The following DNAH14 variants were observed in gnomAD, a reference collection of about 807,000 sequenced individuals.
DNAH14 encodes axonemal beta dynein heavy chain 14.
A neutral mutation model predicts 520.9 loss-of-function variants in DNAH14; 478 were observed. That is an observed-to-expected ratio of 0.92 (90% CI 0.85 to 0.99). The LOEUF (loss-of-function observed/expected upper bound fraction) is 0.99, where lower values mean the gene tolerates loss of function less well. Ranked by LOEUF, DNAH14 falls within the 50% of genes least tolerant of loss-of-function variation. The pLI, the probability that DNAH14 is intolerant of heterozygous loss-of-function variation, is 0.00. For missense variants in DNAH14, 4,831 were observed against 5,234.5 expected (o/e 0.92, Z 2.38); for synonymous variants, 1,581 against 1,757.2 (o/e 0.90, Z 2.51).
chr1:225,375,159 G>A (rs2095680682), intron 78 of DNAH14, among the ~76,000 whole-genome samples: 1 of 151,960 alleles, frequency 6.6e-6, no homozygotes, highest in East Asian at 1.9e-4. Context: ...ATAAATCAAC[G>A]ATTCCATGCC....
chr1:224,962,443 C>T (rs899331423), intron 4 of DNAH14, among the ~76,000 whole-genome samples: 3 of 152,174 alleles, frequency 2.0e-5, no homozygotes, highest in Non-Finnish European at 4.4e-5. Context: ...CCATGTTGTA[C>T]AGAGGGCCAC....
intron 17 of DNAH14, among the ~76,000 whole-genome samples, chr1:225,055,643 G>C (rs188549260): frequency 6.6e-6 from 1 of 151,462 alleles, no homozygotes; most frequent in African/African-American, 2.4e-5. Flanking sequence ...CCATTAACTC[G>C]TCATTTAATA....
At chr1:225,273,882 G>A (rs1322806191) in intron 52 of DNAH14, among the ~76,000 whole-genome samples, 2 of 152,134 alleles carry the variant, frequency 1.3e-5, no homozygotes, top group Admixed American at 1.3e-4. Context: ...CCTTTCAAGA[G>A]AATTAAGGAG....
rs1393150072 is a variant in DNAH14 at position 225,206,186 on chromosome 1, T to G, written c.6186+7T>G. 6.5e-7 allele frequency: 1 copy of G among 1,529,604 alleles called. No homozygotes were observed. Among genetic ancestry groups the G allele is most frequent in the South Asian group, 1.2e-5 (1 of 80,968 alleles). 94.8% of individuals were successfully genotyped at this position (1,529,604 alleles called of 1,614,324 possible). Reference sequence around the variant, plus strand: ...ATGTGCCATGGTCTATATGGTAAGCTTTCAAAAACAAATGTTTTAACAAAG... The same window carrying G: ...ATGTGCCATGGTCTATATGGTAAGCGTTCAAAAACAAATGTTTTAACAAAG... On this transcript the variant is annotated splice_region_variant and intron_variant, in intron 40 of 85. Transcript: ENST00000682510.
chr1:225,192,383 T>G (rs1345962051), intron 37 of DNAH14, among the ~76,000 whole-genome samples: 1 of 152,154 alleles, frequency 6.6e-6, no homozygotes, highest in Non-Finnish European at 1.5e-5. Flanking sequence ...CTCTCACTTC[T>G]ATACTCAACC....
Position 225,079,524 on chromosome 1 carries a change from T to C in DNAH14, c.2742T>C (p.Val914=). 1 of 1,512,216 alleles carries C rather than the reference T, an allele frequency of 6.6e-7. No homozygotes were observed. The highest frequency in any genetic ancestry group is 1.3e-5 in the South Asian group (1 of 76,262). 93.7% of individuals were successfully genotyped at this position (1,512,216 alleles called of 1,614,324 possible). A position where few individuals can be genotyped will look rare whatever the true frequency, so the allele number is the denominator to read the frequency against. The change falls in exon 18 of 86, where the codon GTT becomes GTC. Residue 914 remains valine (V), a synonymous_variant. Coordinates refer to ENST00000682510, the MANE Select transcript of DNAH14 (RefSeq NM_001367479.1). ...AAGCATGTATCAGTGGTCTACATGT[T>C]GATGTTGGCAATTTAAAAGCCAAGG... is the stretch of plus-strand genomic sequence containing the variant. ...NLEACISGLH[V]DVGNLKAKIR...
In DNAH14 at chr1:225,279,019, GA is replaced by G. The variant is rs1327183290; in HGVS notation, c.8271+1520del. Among the ~76,000 whole-genome samples the G allele has an allele frequency of 1.4e-4, 21 of 152,136 alleles. No individual in the cohort carries two copies. In the East Asian group the frequency reaches 3.7e-3, roughly 27 times the overall value. On this transcript the variant is annotated intron_variant, in intron 54 of 85. Transcript: ENST00000682510. ...GTTTGTTGTTTTTGTTTTTTTAGAT[GA>G]AATTTCACTCTTGTTACTCAGGCTA...
At chr1:225,169,475 C>T (rs1006417886) in intron 36 of DNAH14, among the ~76,000 whole-genome samples, 10 of 152,118 alleles carry the variant, frequency 6.6e-5, no homozygotes, top group East Asian at 1.9e-4. Flanking sequence ...CTGAAAACCA[C>T]GGCACGAGAA....
In DNAH14 at chr1:225,374,742, C is replaced by A. The variant is rs374597184; in HGVS notation, c.12373C>A (p.Gln4125Lys). ...SLRGQPSISW[Q>K]ALRYLIGEVI... is the part of the protein sequence containing the mutation. ...GAGAGGACAGCCCAGCATTTCGTGGCAAGCACTGCGCTACCTGATTGGAGA... is the reference window on the plus strand; with the variant it reads ...GAGAGGACAGCCCAGCATTTCGTGGAAAGCACTGCGCTACCTGATTGGAGA... Residue 4125 changes from glutamine to lysine, a missense_variant, in exon 78 of 86, where the codon CAA becomes AAA. Transcript: ENST00000682510. The A allele has an allele frequency of 1.3e-6, 2 of 1,550,994 alleles. No individual in the cohort carries two copies. The highest frequency in any genetic ancestry group is 2.7e-5 in the African/African-American group (2 of 73,004).
rs1275704236 is a variant in DNAH14, at chr1:225,240,653, GC to G, written c.6580del (p.Leu2194PhefsTer14). On this transcript the variant is annotated frameshift_variant, in exon 43 of 86. Transcript: ENST00000682510. LOFTEE classifies it high-confidence loss of function. ...ATAAATTAACAAAAATTATTCAAAA[GC>G]TTTTTGTGTTTGCCTTTACTTGGGC... ...PDKLTKIIQK[L>X]FVFAFTWAFG... The G allele has an allele frequency of 1.9e-6, 3 of 1,550,658 alleles. No homozygotes were observed. In the East Asian group the frequency reaches 7.4e-5, roughly 38 times the overall value.
At chr1:224,979,420 C>T (rs1221439171) in intron 8 of DNAH14, among the ~76,000 whole-genome samples, 1 of 152,170 alleles carries the variant, frequency 6.6e-6, no homozygotes, top group Non-Finnish European at 1.5e-5. Context: ...CTGACAGCCA[C>T]CCACAGAGGG....
intron 71 of DNAH14, among the ~76,000 whole-genome samples, chr1:225,347,894 G>A (rs1268487221): frequency 6.6e-6 from 1 of 152,126 alleles, no homozygotes; most frequent in Non-Finnish European, 1.5e-5. Flanking sequence ...TCTATGGGCT[G>A]CCTGACAAGG....
chr1:225,290,030 G>A lies in DNAH14; in HGVS notation c.8417G>A (p.Gly2806Glu). 1.3e-6 allele frequency: 2 copies of A among 1,527,296 alleles called. No individual in the cohort carries two copies. The highest frequency in any genetic ancestry group is 1.3e-5 in the South Asian group (1 of 79,924). The allele number at this position is 1,527,296 out of a possible 1,614,324, so 94.6% of individuals were successfully genotyped here. A position where few individuals can be genotyped will look rare whatever the true frequency, so the allele number is the denominator to read the frequency against. Residue 2806 changes from glycine (G) to glutamate (E), a missense_variant, in exon 55 of 86, where the codon GGA (glycine) becomes GAA (glutamate). By Grantham distance (98) the Gly-to-Glu change is moderately conservative. Transcript: ENST00000682510. ...TTTAAAAAGGTGTTTATTCACGCAG[G>A]ATTAAAAGGGAAACCCACTGTTCTG... ...EVFKKVFIHA[G>E]LKGKPTVLMV... is the part of the protein sequence containing the mutation.
At chr1:224,959,164 G>T (rs2060695015) in intron 3 of DNAH14, among the ~76,000 whole-genome samples, 1 of 152,014 alleles carries the variant, frequency 6.6e-6, no homozygotes, top group African/African-American at 2.4e-5. Context: ...AAAGATAGAA[G>T]AAAGTTTTCA....
Position 225,097,191 on chromosome 1 carries a change from G to C in DNAH14, c.3647G>C (p.Arg1216Thr). The C allele has an allele frequency of 6.4e-7, 1 of 1,550,670 alleles. No homozygotes were observed. Among genetic ancestry groups the C allele is most frequent in the South Asian group, 1.2e-5 (1 of 83,988 alleles). ...YTLEEWMNCQ[R>T]NWLYLEPVFH... ...CTTGAGGAATGGATGAATTGTCAAA[G>C]AAATTGGCTTTATCTTGAACCAGTC... The change falls in exon 22 of 86, where the codon AGA becomes ACA. Residue 1216 changes from arginine to threonine, a missense_variant. Coordinates refer to ENST00000682510, the MANE Select transcript of DNAH14 (RefSeq NM_001367479.1).
chr1:225,299,930 C>G (rs1020525389), intron 55 of DNAH14, among the ~76,000 whole-genome samples: 1 of 152,168 alleles, frequency 6.6e-6, no homozygotes, highest in South Asian at 2.1e-4. Flanking sequence ...AACTGAAATA[C>G]CATGAACCTA....
intron 13 of DNAH14, 21 bp from the exon 14 acceptor site, chr1:225,043,723 T>G (rs994389098): frequency 7.0e-7 from 1 of 1,431,236 alleles, no homozygotes; most frequent in African/African-American, 1.4e-5. Flanking sequence ...ATTTTCTCTT[T>G]CTTTCAATGG....
At chr1:225,283,523 C>G (rs1396203629) in intron 54 of DNAH14, among the ~76,000 whole-genome samples, 4 of 151,364 alleles carry the variant, frequency 2.6e-5, no homozygotes, top group Non-Finnish European at 4.4e-5. Flanking sequence ...AACTTAGTGC[C>G]AAATACATGG....
chr1:225,381,412 C>T lies in DNAH14; in HGVS notation c.12910C>T (p.Leu4304=). Residue 4304 remains leucine, a synonymous_variant, in exon 81 of 86, where the codon CTA becomes TTA. Coordinates refer to ENST00000682510, the MANE Select transcript of DNAH14 (RefSeq NM_001367479.1). ...DHDPLIHCVL[L]TFLKQEIKRF... is the part of the protein sequence containing the mutation. ...CGACCCCCTTATCCATTGTGTCTTG[C>T]TAACCTTTTTGAAGCAAGAAATTAA... 1 of 1,549,922 alleles carries T rather than the reference C, an allele frequency of 6.5e-7. No homozygotes were observed. Among genetic ancestry groups the T allele is most frequent in the East Asian group, 2.4e-5 (1 of 40,888 alleles).
Sources: gnomAD v4.1 joint callset for allele counts (sites outside exome capture counted in the v4.1 genomes callset) on GRCh38, gnomAD v4.1.1 for gene constraint, MANE v1.5 for transcripts, NCBI Gene and HGNC (gene_info 2026-07-23, HGNC 2026-07-21) for gene names.